The following ENAH variants were observed in gnomAD, a reference collection of about 807,000 sequenced individuals.
ENAH encodes the protein protein enabled homolog.
Under a neutral mutation model 78.7 loss-of-function variants are expected in ENAH, and 23 were observed. That is an observed-to-expected ratio of 0.29 (90% confidence interval 0.21 to 0.41). The LOEUF (loss-of-function observed/expected upper bound fraction) is 0.41, where lower values mean the gene tolerates loss of function less well. ENAH is among the 10% of genes least tolerant of loss of function. ENAH has a pLI of 1.00. For missense variants in ENAH, 544 were observed against 691.0 expected (o/e 0.79, Z 2.39); for synonymous variants, 226 against 241.0 (o/e 0.94, Z 0.58).
intron 10 of ENAH, 109 bp downstream of exon 10, chr1:225,511,702 T>G: frequency 1.5e-6 from 1 of 659,052 alleles, no homozygotes; most frequent in Admixed American, 3.1e-5. Context: ...TCTGGCATTT[T>G]AGTGTCCAGT....
intron 1 of ENAH, among the ~76,000 whole-genome samples, chr1:225,597,477 T>C (rs751114968): frequency 4.0e-5 from 6 of 151,752 alleles, no homozygotes; most frequent in African/African-American, 9.7e-5. Context: ...TTGAGTAACA[T>C]AGAAAGACTC....
chr1:225,508,100 C>A, intron 10 of ENAH, 83 bp from the exon 11 acceptor site: 1 of 818,174 alleles, frequency 1.2e-6, no homozygotes, highest in South Asian at 2.1e-5. Context: ...TACTAAATCT[C>A]ATTATACCTG....
Position 225,514,506 on chromosome 1 carries a change from T to C in ENAH, c.1218+90A>G, listed in dbSNP as rs1467121336. ...TTTTAAATCAATGAAGTTCATAACA[T>C]TTCATAAAATTAGAATACAATAAAT... On this transcript the variant is annotated intron_variant, in intron 7 of 13. Coordinates refer to ENST00000366843, the MANE Select transcript of ENAH (RefSeq NM_018212.6). 3 of 1,070,658 alleles carry C rather than the reference T, an allele frequency of 2.8e-6. No homozygotes were observed. In the African/African-American group the frequency reaches 4.8e-5, roughly 17 times the overall value. 66.3% of individuals were successfully genotyped at this position (1,070,658 alleles called of 1,614,324 possible).
At chr1:225,592,064 A>G (rs777491710) in intron 1 of ENAH, among the ~76,000 whole-genome samples, 10 of 152,314 alleles carry the variant, frequency 6.6e-5, no homozygotes, top group South Asian at 6.2e-4. Context: ...AACCATGTAC[A>G]TGAAGCATTC....
At chr1:225,539,105 C>A (rs1381416176) in intron 3 of ENAH, among the ~76,000 whole-genome samples, 1 of 152,198 alleles carries the variant, frequency 6.6e-6, no homozygotes, top group African/African-American at 2.4e-5. Flanking sequence ...ACTCTTTAAT[C>A]AGAGCTCTTA....
intron 1 of ENAH, among the ~76,000 whole-genome samples, chr1:225,649,928 A>G (rs751430972): frequency 5.3e-5 from 8 of 152,226 alleles, no homozygotes; most frequent in Non-Finnish European, 5.9e-5. Flanking sequence ...TGGCCTTTGA[A>G]ACATCAGAAC....
chr1:225,625,480 T>C (rs767458708), intron 1 of ENAH, among the ~76,000 whole-genome samples: 28 of 152,230 alleles, frequency 1.8e-4, no homozygotes, highest in Non-Finnish European at 3.4e-4. Context: ...TCTATGGTCC[T>C]GTCAATATAA....
intron 1 of ENAH, among the ~76,000 whole-genome samples, chr1:225,567,763 T>C (rs1370564580): frequency 6.6e-6 from 1 of 152,222 alleles, no homozygotes; most frequent in Non-Finnish European, 1.5e-5. Flanking sequence ...CTTTTTGCTA[T>C]TTTAATGGCA....
At chr1:225,610,168 A>T (rs1370913100) in intron 1 of ENAH, among the ~76,000 whole-genome samples, 2 of 151,978 alleles carry the variant, frequency 1.3e-5, no homozygotes, top group Admixed American at 1.3e-4. Context: ...AATAAAAAAA[A>T]AAAACTAGCA....
intron 7 of ENAH, among the ~76,000 whole-genome samples, chr1:225,513,615 C>T (rs762039902): frequency 5.9e-5 from 9 of 152,074 alleles, no homozygotes; most frequent in Non-Finnish European, 1.3e-4. Flanking sequence ...GGTAAATGTC[C>T]TTGTTCTTAT....
intron 1 of ENAH, among the ~76,000 whole-genome samples, chr1:225,613,857 T>C (rs1354456319): frequency 6.6e-6 from 1 of 152,066 alleles, no homozygotes; most frequent in Middle Eastern, 3.2e-3. Context: ...GGAAATAACA[T>C]CACATCCCAT....
Position 225,643,869 on chromosome 1 carries a change from C to T in ENAH, c.5+8817G>A, listed in dbSNP as rs10915851. 1.5e-3 allele frequency among the ~76,000 whole-genome samples: 235 copies of T among 152,034 alleles called. 1 individual carries two copies. Among genetic ancestry groups the T allele is most frequent in the African/African-American group, 5.1e-3 (212 of 41,478 alleles). ...GGAGGATCGCTTGAGCCCAGGAGTT[C>T]GAGGCTGCAGTAAGCTATGATTGCA... is the stretch of plus-strand genomic sequence containing the variant. On this transcript the variant is annotated intron_variant, in intron 1 of 13. Transcript: ENST00000366843.
intron 6 of ENAH, among the ~76,000 whole-genome samples, chr1:225,515,660 G>A (rs1368887735): frequency 6.6e-6 from 1 of 152,226 alleles, no homozygotes. Flanking sequence ...TCCTGAAACA[G>A]TAGGTGCTCT....
chr1:225,580,179 G>T (rs2096808612), intron 1 of ENAH: 1 of 151,640 alleles, frequency 6.6e-6, no homozygotes, highest in Admixed American at 6.6e-5. Flanking sequence ...CTACTGAACA[G>T]AATATGGGAA....
chr1:225,558,848 A>T (rs552106), intron 2 of ENAH, among the ~76,000 whole-genome samples: 137,803 of 152,004 alleles, frequency 0.91, 62,622 homozygotes, highest in African/African-American at 0.95. Flanking sequence ...TTAGCCAGGA[A>T]GGTCTTGATC....
intron 13 of ENAH, 106 bp from the exon 14 acceptor site, chr1:225,497,918 A>G (rs1045426072): frequency 1.1e-5 from 9 of 845,034 alleles, no homozygotes; most frequent in Non-Finnish European, 1.1e-5. Context: ...ACTCACAGTA[A>G]TAAGAAGATT....
intron 3 of ENAH, among the ~76,000 whole-genome samples, chr1:225,534,816 T>C (rs1350180136): frequency 6.6e-6 from 1 of 152,156 alleles, no homozygotes; most frequent in Non-Finnish European, 1.5e-5. Context: ...TATCTGTGTT[T>C]ATAGATAGAT....
chr1:225,557,158 A>G (rs2096671364), intron 2 of ENAH, among the ~76,000 whole-genome samples: 1 of 152,132 alleles, frequency 6.6e-6, no homozygotes, highest in Admixed American at 6.5e-5. Flanking sequence ...ATCAGTTTCT[A>G]CCAAAGAAAT....
At chr1:225,602,399 A>C (rs1407533587) in intron 1 of ENAH, among the ~76,000 whole-genome samples, 1 of 152,156 alleles carries the variant, frequency 6.6e-6, no homozygotes, top group Admixed American at 6.5e-5. Flanking sequence ...TTGAATCTAA[A>C]ACCAGATAAC....
Sources: allele counts gnomAD v4.1 joint callset (sites outside exome capture counted in the v4.1 genomes callset), GRCh38; gene constraint gnomAD v4.1.1; transcripts MANE v1.5; gene names NCBI Gene and HGNC (gene_info 2026-07-23, HGNC 2026-07-21).